The following JPH3 variants were observed in gnomAD, a reference collection of about 807,000 sequenced individuals.
The protein encoded by JPH3 is junctophilin 3.
A neutral mutation model predicts 59.6 loss-of-function variants in JPH3; 11 were observed. The ratio of observed to expected loss-of-function variants is 0.18; its 90% CI spans 0.12 to 0.31. The LOEUF is 0.31. Ranked by LOEUF, JPH3 falls within the 10% of genes least tolerant of loss-of-function variation. The pLI is 1.00. For synonymous variants in JPH3, 673 were observed against 483.6 expected, an observed-to-expected ratio of 1.39 and a Z score of -5.14; for missense variants, 1,202 against 1,105.7, an observed-to-expected ratio of 1.09 and a Z score of -1.24.
chr16:87,638,763 C>T (rs534699442), intron 1 of JPH3, among the ~76,000 whole-genome samples: 12 of 152,304 alleles, frequency 7.9e-5, no homozygotes, highest in African/African-American at 2.9e-4. Context: ...ATGGGAACGA[C>T]AACATCCAGC....
chr16:87,695,183 C>T (rs1008007857), intron 4 of JPH3: 14 of 376,090 alleles, frequency 3.7e-5, no homozygotes, highest in South Asian at 4.0e-5. Flanking sequence ...GCCCGTTGTT[C>T]GGGCTCCCCT....
intron 4 of JPH3, chr16:87,694,975 C>G (rs1210563072): frequency 3.5e-6 from 1 of 286,910 alleles, no homozygotes; most frequent in Non-Finnish European, 6.8e-6. Flanking sequence ...GCTCTGCTTC[C>G]ACTCCGTGGC....
At chr16:87,604,269 C>T (rs1171442419) in intron 1 of JPH3, 1 of 1,456,312 alleles carries the variant, frequency 6.9e-7, no homozygotes, top group Non-Finnish European at 9.1e-7. Context: ...AGAGCCGGGG[C>T]CGGAAGCCAG....
intron 4 of JPH3, chr16:87,695,571 C>T (rs1328473842): frequency 2.2e-6 from 1 of 455,328 alleles, no homozygotes; most frequent in Non-Finnish European, 4.4e-6. Flanking sequence ...CCTCTGGAAG[C>T]AGACTGTGGG....
At chr16:87,676,434 G>T (rs950759055) in intron 2 of JPH3, among the ~76,000 whole-genome samples, 12 of 152,080 alleles carry the variant, frequency 7.9e-5, no homozygotes, top group Non-Finnish European at 1.3e-4. Context: ...CTTCATTTAT[G>T]GTATATAGGT....
intron 2 of JPH3, among the ~76,000 whole-genome samples, chr16:87,661,459 T>G (rs764767175): frequency 2.0e-5 from 3 of 152,242 alleles, no homozygotes; most frequent in Non-Finnish European, 2.9e-5. Context: ...TGGACTCTCT[T>G]TAGGGGGAGC....
chr16:87,650,291 T>G (rs1036416416), intron 2 of JPH3, among the ~76,000 whole-genome samples: 1 of 152,232 alleles, frequency 6.6e-6, no homozygotes, highest in Non-Finnish European at 1.5e-5. Context: ...TATTTTGGGA[T>G]GCCACACATC....
At chr16:87,642,362 A>C (rs989640242) in intron 1 of JPH3, among the ~76,000 whole-genome samples, 6 of 152,202 alleles carry the variant, frequency 3.9e-5, no homozygotes, top group African/African-American at 1.2e-4. Context: ...AGCTGCTGCC[A>C]GCTCCTGTCC....
chr16:87,610,974 G>A (rs1437788332), intron 1 of JPH3, among the ~76,000 whole-genome samples: 1 of 152,216 alleles, frequency 6.6e-6, no homozygotes, highest in Non-Finnish European at 1.5e-5. Context: ...CATTGGAGAA[G>A]CATTTGCCAA....
At position 87,678,151 on chromosome 16, in the gene JPH3, G is replaced by A. The variant is rs115180231; in HGVS notation, c.1161-5991G>A. Among the ~76,000 whole-genome samples the A allele has an allele frequency of 4.3e-3, 659 of 152,306 alleles. 7 individuals are homozygous for A. Among genetic ancestry groups the A allele is most frequent in the African/African-American group, 0.015 (621 of 41,586 alleles). On this transcript the variant is annotated intron_variant, in intron 2 of 4. Transcript: ENST00000284262. ...GCCCACTTGGGTGGCTGAAGTGGAAGGACTGCTTGAGCCCAGGAGTTCAAG... is the reference window on the plus strand; with the variant it reads ...GCCCACTTGGGTGGCTGAAGTGGAAAGACTGCTTGAGCCCAGGAGTTCAAG...
intron 2 of JPH3, among the ~76,000 whole-genome samples, chr16:87,653,103 T>G (rs892442793): frequency 6.6e-6 from 1 of 152,164 alleles, no homozygotes. Flanking sequence ...AGGCCTCTGC[T>G]CTCAGTCCTG....
At chr16:87,671,151 A>T (rs2033004234) in intron 2 of JPH3, among the ~76,000 whole-genome samples, 1 of 152,130 alleles carries the variant, frequency 6.6e-6, no homozygotes, top group Admixed American at 6.5e-5. Context: ...GTCCAGCGAG[A>T]CAATGGGGTA....
chr16:87,675,764 G>A (rs2033128088), intron 2 of JPH3, among the ~76,000 whole-genome samples: 1 of 152,210 alleles, frequency 6.6e-6, no homozygotes, highest in Non-Finnish European at 1.5e-5. Context: ...GGTGCCTGCT[G>A]CCCAGGCCCT....
intron 2 of JPH3, among the ~76,000 whole-genome samples, chr16:87,659,773 C>A (rs376840710): frequency 6.6e-6 from 1 of 152,088 alleles, no homozygotes; most frequent in Non-Finnish European, 1.5e-5. Context: ...TTAAGTGTAC[C>A]GTAAGTGGCA....
chr16:87,665,679 G>A (rs1387893344), intron 2 of JPH3, among the ~76,000 whole-genome samples: 9 of 152,236 alleles, frequency 5.9e-5, no homozygotes, highest in Non-Finnish European at 5.9e-5. Context: ...CCTAGGAGAG[G>A]CACTCAACAA....
At chr16:87,604,761 GA>G (rs1489164716) in intron 1 of JPH3, 1 of 761,182 alleles carries the variant, frequency 1.3e-6, no homozygotes, top group Non-Finnish European at 1.8e-6. Context: ...TTATGCAACT[GA>G]AAAGCAGGGT....
chr16:87,638,568 G>A (rs1463979419), intron 1 of JPH3, among the ~76,000 whole-genome samples: 1 of 12,124 alleles, frequency 8.2e-5, no homozygotes, highest in Non-Finnish European at 2.0e-4. Flanking sequence ...ACAAGGGTTA[G>A]GTAGGAGGGG....
chr16:87,658,012 C>A (rs1041837689), intron 2 of JPH3, among the ~76,000 whole-genome samples: 20 of 152,330 alleles, frequency 1.3e-4, no homozygotes, highest in African/African-American at 4.8e-4. Flanking sequence ...GCAGCAAAGA[C>A]TTCCTGGGTG....
intron 2 of JPH3, among the ~76,000 whole-genome samples, chr16:87,661,773 C>T (rs565967128): frequency 8.5e-5 from 13 of 152,330 alleles, no homozygotes; most frequent in East Asian, 1.9e-4. Context: ...CATGGGGCTT[C>T]GACTTAGAAG....
Sources: gnomAD v4.1 joint callset for allele counts (sites outside exome capture counted in the v4.1 genomes callset) on GRCh38, gnomAD v4.1.1 for gene constraint, MANE v1.5 for transcripts, NCBI Gene and HGNC (gene_info 2026-07-23, HGNC 2026-07-21) for gene names.